Variants in MED14 observed in about 807,000 individuals in gnomAD.
The protein encoded by MED14 is mediator complex subunit 14, also known as mediator of RNA polymerase II transcription subunit 14.
Under a neutral mutation model 109.0 loss-of-function variants are expected in MED14, and 8 were observed. The ratio of observed to expected loss-of-function variants is 0.07; its 90% CI spans 0.04 to 0.13. MED14 has a LOEUF of 0.13. Among genes scored for constraint, MED14 ranks in the 10% least tolerant of loss-of-function variants. MED14 has a pLI of 1.00. For synonymous variants in MED14, 399 were observed against 408.7 expected, an observed-to-expected ratio of 0.98 and a Z score of 0.29; for missense variants, 711 against 1,142.4, an observed-to-expected ratio of 0.62 and a Z score of 5.44.
In MED14 at chrX:40,713,892, G is replaced by C; in HGVS notation, c.538C>G (p.Pro180Ala). ...TTTTCAATTTTGGTAATTGGGTCTG[G>C]AGGAATAATTTTGTCCTGCAAAAAA... ...PTCIRDKIIP[P>A]DPITKIEKQA... Residue 180 changes from proline (P) to alanine (A), a missense_variant, in exon 5 of 31, where the codon CCA (proline) becomes GCA (alanine). Coordinates refer to ENST00000324817, the MANE Select transcript of MED14 (RefSeq NM_004229.4). 1 of 1,206,829 alleles carries C rather than the reference G, an allele frequency of 8.3e-7. No individual in the cohort carries two copies. Among genetic ancestry groups the C allele is most frequent in the Non-Finnish European group, 1.1e-6 (1 of 893,081 alleles).
In MED14 at chrX:40,692,740, C is replaced by T. The variant is rs772085654; in HGVS notation, c.1813G>A (p.Gly605Arg). The part of the protein sequence containing the change: ...IQDLVFRTKT[G>R]KQTRTNAKRK... ...TTGGCATTGGTTCTGGTCTGTTTCC[C>T]GGTTTTTGTACGAAAAACCAAGTCC... Residue 605 changes from glycine to arginine, a missense_variant, in exon 14 of 31, where the codon GGG becomes AGG. Physicochemically the swap from Gly to Arg is moderately radical, Grantham distance 125. This residue lies in a region of MED14 where 388 missense variants were observed against 517.3 expected (regional missense o/e 0.75). Transcript: ENST00000324817. 16 of 1,207,480 alleles carry T rather than the reference C, an allele frequency of 1.3e-5. No homozygotes were observed. In the Admixed American group the frequency reaches 2.2e-4, roughly 17 times the overall value.
At chrX:40,675,498 A>G (rs951069005) in intron 21 of MED14, 137 bp from the exon 22 acceptor site, 1 of 410,365 alleles carries the variant, frequency 2.4e-6, no homozygotes, top group African/African-American at 2.6e-5. Context: ...CCTAGAAGAA[A>G]TATTGTTAAT....
At chrX:40,682,260 G>A (rs988055899) in intron 18 of MED14, among the ~76,000 whole-genome samples, 1 of 111,609 alleles carries the variant, frequency 9.0e-6, no homozygotes, top group African/African-American at 3.3e-5. Context: ...TCTGTAAAAT[G>A]AGGAATAATA....
chrX:40,699,980 T>C (rs4827223), intron 12 of MED14, among the ~76,000 whole-genome samples: 25,698 of 109,051 alleles, frequency 0.24, 2,357 homozygotes, highest in African/African-American at 0.33. Context: ...AAACTCCGTC[T>C]CTACTAAAAA....
chrX:40,667,477 G>C (rs773708105), intron 23 of MED14, among the ~76,000 whole-genome samples: 1 of 112,168 alleles, frequency 8.9e-6, no homozygotes, highest in African/African-American at 3.2e-5. Flanking sequence ...GCAGTTATCA[G>C]GGAGGAAGCC....
chrX:40,719,673 C>G (rs751506399), intron 3 of MED14, among the ~76,000 whole-genome samples: 2 of 111,879 alleles, frequency 1.8e-5, no homozygotes, highest in African/African-American at 6.5e-5. Flanking sequence ...CTAAAGGGCA[C>G]AGGTTTTCTT....
In MED14 at chrX:40,650,764, T is replaced by G; in HGVS notation, c.*1042A>C. The G allele has an allele frequency of 1.3e-6, 1 of 753,746 alleles. No individual in the cohort carries two copies. The highest frequency in any genetic ancestry group is 2.3e-5 in the African/African-American group (1 of 43,806). 62.1% of individuals were successfully genotyped at this position (753,746 alleles called of 1,213,427 possible). ...ATCGTTTTGTTGACAATGAATTAAA[T>G]TGAAATTGTTTAGAACAATCCCAAT... On this transcript the variant is annotated 3_prime_UTR_variant, in exon 31 of 31. Transcript: ENST00000324817.
chrX:40,685,621 G>A (rs1201771499), intron 16 of MED14, among the ~76,000 whole-genome samples: 4 of 112,161 alleles, frequency 3.6e-5, no homozygotes, highest in Admixed American at 9.4e-5. Context: ...TTGCTGAAGC[G>A]TTCAAAACTA....
In MED14 at chrX:40,712,999, G is replaced by A. The variant is rs142748022; in HGVS notation, c.696C>T (p.Ala232=). ...VKFRVEGEFE[A]TLTVMGDDPD... ...GGTCATCTCCCATCACAGTCAAGGT[G>A]GCTTCAAATTCTCCTTCAACACGAA... The change falls in exon 6 of 31, where the codon GCC becomes GCT. Residue 232 remains alanine, a synonymous_variant. Coordinates refer to ENST00000324817, the MANE Select transcript of MED14 (RefSeq NM_004229.4). The A allele has an allele frequency of 8.4e-7, 1 of 1,184,290 alleles. No individual in the cohort carries two copies. Among genetic ancestry groups the A allele is most frequent in the Non-Finnish European group, 1.1e-6 (1 of 877,803 alleles).
At chrX:40,705,086 A>C (rs1380492473) in intron 10 of MED14, among the ~76,000 whole-genome samples, 3 of 112,340 alleles carry the variant, frequency 2.7e-5, no homozygotes, top group Non-Finnish European at 5.6e-5. Context: ...ACCTGAAAAA[A>C]ACAGAACAAA....
Position 40,659,346 on chromosome X carries a change from A to G in MED14, c.3865-12T>C, listed in dbSNP as rs757045701. On this transcript the variant is annotated splice_polypyrimidine_tract_variant and intron_variant, in intron 27 of 30. Coordinates refer to ENST00000324817, the MANE Select transcript of MED14 (RefSeq NM_004229.4). ...GGTGGTCCTGCAACCTACAGGGATA[A>G]ATAAAGCAAGTTACTCTTCATTCTA... The G allele has an allele frequency of 9.4e-6, 11 of 1,174,831 alleles. No individual in the cohort carries two copies. In the East Asian group the frequency reaches 3.3e-4, roughly 36 times the overall value.
chrX:40,683,761 C>T (rs1930205708), intron 16 of MED14, among the ~76,000 whole-genome samples: 1 of 111,815 alleles, frequency 8.9e-6, no homozygotes, highest in Non-Finnish European at 1.9e-5. Context: ...ACTTTGCCAC[C>T]TCCTCCTCTG....
rs1239125509 is a variant in MED14, at chrX:40,735,489, G to A, written c.-77C>T. On this transcript the variant is annotated 5_prime_UTR_variant, in exon 1 of 31. Transcript: ENST00000324817. ...CTCCCGGGCGCTCGGTCACCGCGCCGAAACGGGAGCGGGCAGAGTCGCCAC... is the reference window on the plus strand; with the variant it reads ...CTCCCGGGCGCTCGGTCACCGCGCCAAAACGGGAGCGGGCAGAGTCGCCAC... 1.0e-6 allele frequency: 1 copy of A among 965,080 alleles called. No individual in the cohort carries two copies. The highest frequency in any genetic ancestry group is 2.6e-5 in the Admixed American group (1 of 38,371). The allele number at this position is 965,080 out of a possible 1,213,427, so 79.5% of individuals were successfully genotyped here.
Position 40,717,915 on chromosome X carries a change from A to G in MED14, c.349-3205T>C, listed in dbSNP as rs1352128362. 5.3e-5 allele frequency among the ~76,000 whole-genome samples: 6 copies of G among 112,360 alleles called. No individual in the cohort carries two copies. In the East Asian group the frequency reaches 1.7e-3, roughly 31 times the overall value. The stretch of plus-strand genomic sequence containing the variant: ...GTGGCCAACTTAAAACATAGTACCC[A>G]GAATTAATACCAACATCACACAAAC... On this transcript the variant is annotated intron_variant, in intron 3 of 30. Coordinates refer to ENST00000324817, the MANE Select transcript of MED14 (RefSeq NM_004229.4).
chrX:40,664,882 TGAG>T (rs1402707248), intron 24 of MED14, among the ~76,000 whole-genome samples: 3 of 111,792 alleles, frequency 2.7e-5, no homozygotes, highest in East Asian at 2.8e-4. Context: ...CTAAGTAGAA[TGAG>T]GAGAAGGAAA....
In MED14 at chrX:40,649,486, A is replaced by T; in HGVS notation, c.*2320T>A. The T allele has an allele frequency of 2.1e-6, 1 of 479,510 alleles. No homozygotes were observed. The highest frequency in any genetic ancestry group is 2.8e-6 in the Non-Finnish European group (1 of 355,110). 39.5% of individuals were successfully genotyped at this position (479,510 alleles called of 1,213,427 possible). A position where few individuals can be genotyped will look rare whatever the true frequency, so the allele number is the denominator to read the frequency against. On this transcript the variant is annotated 3_prime_UTR_variant, in exon 31 of 31. Transcript: ENST00000324817. ...TTTCTTATTTCAAGGTTAAATTAAT[A>T]CTAAACCAGACTATTAATGAAAACA...
chrX:40,663,392 G>A (rs1929359568), intron 25 of MED14, among the ~76,000 whole-genome samples: 1 of 97,881 alleles, frequency 1.0e-5, no homozygotes, highest in African/African-American at 3.8e-5. Context: ...TCCTTTAAGG[G>A]GTGGACTCTA....
chrX:40,716,680 G>T (rs934458644), intron 3 of MED14, among the ~76,000 whole-genome samples: 2 of 110,379 alleles, frequency 1.8e-5, no homozygotes, highest in Non-Finnish European at 3.8e-5. Flanking sequence ...TCAAGAGAAA[G>T]GAAATCAGCA....
chrX:40,729,538 C>T, intron 1 of MED14, 193 bp from the exon 2 acceptor site: 1 of 415,103 alleles, frequency 2.4e-6, no homozygotes, highest in Non-Finnish European at 4.1e-6. Flanking sequence ...AAGGCAAAAA[C>T]CAACAAAAGA....
Sources: allele counts gnomAD v4.1 joint callset (sites outside exome capture counted in the v4.1 genomes callset), GRCh38; gene constraint gnomAD v4.1.1; regional missense constraint gnomAD v4.1.1; transcripts MANE v1.5; gene names NCBI Gene and HGNC (gene_info 2026-07-23, HGNC 2026-07-21).